GPR107: variants seen among roughly 807,000 people sequenced by gnomAD.
GPR107 encodes protein GPR107.
A neutral mutation model predicts 75.5 loss-of-function variants in GPR107; 31 were observed. The ratio of observed to expected loss-of-function variants is 0.41; its 90% CI spans 0.31 to 0.55. GPR107 has a LOEUF of 0.55. Ranked by LOEUF, GPR107 falls within the 20% of genes least tolerant of loss-of-function variation. The pLI is 0.26. For missense variants in GPR107, 572 were observed against 665.7 expected, an observed-to-expected ratio of 0.86 and a Z score of 1.55; for synonymous variants, 267 against 251.3, an observed-to-expected ratio of 1.06 and a Z score of -0.59.
intron 1 of GPR107, among the ~76,000 whole-genome samples, chr9:130,063,498 C>A (rs1213505241): frequency 5.3e-5 from 8 of 152,112 alleles, no homozygotes; most frequent in Non-Finnish European, 1.0e-4. Flanking sequence ...CTATAACATG[C>A]TTTTTAAATT....
Position 130,104,562 on chromosome 9 carries a change from A to G in GPR107, c.1262+12A>G, listed in dbSNP as rs767523146. On this transcript the variant is annotated intron_variant, in intron 13 of 17. Transcript: ENST00000347136. ...TTCCCAGTGGTGTGGTGAGTAGCTCACAGGGAGGGAGGCCACATGACAGCT... is the reference window on the plus strand; with the variant it reads ...TTCCCAGTGGTGTGGTGAGTAGCTCGCAGGGAGGGAGGCCACATGACAGCT... The G allele has an allele frequency of 6.2e-7, 1 of 1,611,856 alleles. No individual in the cohort carries two copies. Among genetic ancestry groups the G allele is most frequent in the Non-Finnish European group, 8.5e-7 (1 of 1,178,076 alleles).
intron 14 of GPR107, among the ~76,000 whole-genome samples, chr9:130,120,475 C>T (rs1203671102): frequency 6.6e-6 from 1 of 152,196 alleles, no homozygotes; most frequent in Non-Finnish European, 1.5e-5. Flanking sequence ...TCTCAGTCCC[C>T]TCCCCATCCG....
At chr9:130,095,378 A>G (rs1403967294) in intron 9 of GPR107, among the ~76,000 whole-genome samples, 3 of 152,022 alleles carry the variant, frequency 2.0e-5, no homozygotes, top group African/African-American at 4.8e-5. Flanking sequence ...ACTTGTATCA[A>G]ATTGTGGTAA....
chr9:130,082,204 CACTGGGG>C (rs1830508238), intron 5 of GPR107, among the ~76,000 whole-genome samples: 1 of 152,208 alleles, frequency 6.6e-6, no homozygotes, highest in South Asian at 2.1e-4. Context: ...TCACATCCAA[CACTGGGG>C]ACTGCCTTTC....
In GPR107 at chr9:130,137,107, G is replaced by A. The variant is rs1554900078; in HGVS notation, c.*1986G>A. ...CTTCCCTCAGAGGGACACATTTGCTGTTTCTCCCGCAAGCAGATGTTGTGG... is the reference window on the plus strand; with the variant it reads ...CTTCCCTCAGAGGGACACATTTGCTATTTCTCCCGCAAGCAGATGTTGTGG... On this transcript the variant is annotated 3_prime_UTR_variant, in exon 18 of 18. Coordinates refer to ENST00000347136, the MANE Select transcript of GPR107 (RefSeq NM_020960.5). 6.6e-6 allele frequency: 1 copy of A among 152,228 alleles called. No homozygotes were observed. The highest frequency in any genetic ancestry group is 2.4e-5 in the African/African-American group (1 of 41,464). 9.4% of individuals were successfully genotyped at this position (152,228 alleles called of 1,614,324 possible). A position where few individuals can be genotyped will look rare whatever the true frequency, so the allele number is the denominator to read the frequency against.
chr9:130,125,090 C>CGTTT (rs1831640554), intron 15 of GPR107, 126 bp downstream of exon 15: 1 of 149,754 alleles, frequency 6.7e-6, no homozygotes, highest in African/African-American at 4.2e-5. Flanking sequence ...GTGTGGCTTG[C>CGTTT]TTTTTTTTTT....
chr9:130,120,820 T>C (rs2132642135), intron 14 of GPR107: 1 of 152,424 alleles, frequency 6.6e-6, no homozygotes, highest in East Asian at 1.9e-4. Flanking sequence ...GGTTCGAAGG[T>C]GGCTGTGACC....
intron 1 of GPR107, among the ~76,000 whole-genome samples, chr9:130,064,944 T>C (rs1830033558): frequency 6.6e-6 from 1 of 152,152 alleles, no homozygotes; most frequent in Non-Finnish European, 1.5e-5. Flanking sequence ...GTGGCCCTGC[T>C]GACGCCTTGA....
In GPR107 at chr9:130,093,496, C is replaced by T. The variant is rs1343659132; in HGVS notation, c.863+1115C>T. 2.0e-5 allele frequency among the ~76,000 whole-genome samples: 3 copies of T among 152,098 alleles called. No homozygotes were observed. In the South Asian group the frequency reaches 6.2e-4, roughly 32 times the overall value. On this transcript the variant is annotated intron_variant, in intron 9 of 17. Coordinates refer to ENST00000347136, the MANE Select transcript of GPR107 (RefSeq NM_020960.5). ...GGGTGGAAATTGAGACTTTTTAAGT[C>T]CTTGGTAGCTTGATTGTCTTCTAAT...
At chr9:130,134,897 A>C (rs1453623850) in intron 17 of GPR107, 128 bp from the exon 18 acceptor site, 2 of 684,612 alleles carry the variant, frequency 2.9e-6, no homozygotes, top group Admixed American at 2.1e-5. Context: ...ACCAGGAATC[A>C]CACTTAGATT....
Position 130,099,493 on chromosome 9 carries a change from C to T in GPR107, c.900C>T (p.Ala300=). The part of the protein sequence containing the change: ...DVFKIHWLMA[A]LPFTKSLSLV... ...TTAAAATCCACTGGCTGATGGCGGC[C>T]CTTCCTTTCACCAAGTCTCTTTCCT... is the stretch of plus-strand genomic sequence containing the variant. The change falls in exon 10 of 18, where the codon GCC becomes GCT. Residue 300 remains alanine, a synonymous_variant. Transcript: ENST00000347136. The T allele has an allele frequency of 6.2e-7, 1 of 1,603,866 alleles. No individual in the cohort carries two copies. The highest frequency in any genetic ancestry group is 8.5e-7 in the Non-Finnish European group (1 of 1,170,852).
chr9:130,093,517 C>T lies in GPR107; in HGVS notation c.863+1136C>T, dbSNP rs117899309. Among the ~76,000 whole-genome samples, 507 of 152,250 alleles carry T rather than the reference C, an allele frequency of 3.3e-3. 2 individuals carry two copies. Among genetic ancestry groups the T allele is most frequent in the Non-Finnish European group, 5.8e-3 (397 of 68,038 alleles). On this transcript the variant is annotated intron_variant, in intron 9 of 17. Coordinates refer to ENST00000347136, the MANE Select transcript of GPR107 (RefSeq NM_020960.5). Reference sequence around the variant, plus strand: ...AAGTCCTTGGTAGCTTGATTGTCTTCTAATGAACATGCTCGGAGTCTGGTA... The same window carrying T: ...AAGTCCTTGGTAGCTTGATTGTCTTTTAATGAACATGCTCGGAGTCTGGTA...
At chr9:130,121,168 G>A (rs1334150747) in intron 14 of GPR107, among the ~76,000 whole-genome samples, 2 of 147,282 alleles carry the variant, frequency 1.4e-5, no homozygotes, top group Non-Finnish European at 3.0e-5. Context: ...GAGACAGCGA[G>A]TGAGACCCTA....
At chr9:130,075,557 T>C in intron 1 of GPR107, 79 bp from the exon 2 acceptor site, 1 of 801,272 alleles carries the variant, frequency 1.2e-6, no homozygotes, top group Admixed American at 2.0e-5. Context: ...GATATCATAC[T>C]TTTTAAAGCA....
chr9:130,121,946 A>G (rs893751061), intron 14 of GPR107, among the ~76,000 whole-genome samples: 25 of 151,574 alleles, frequency 1.6e-4, no homozygotes, highest in Non-Finnish European at 2.9e-4. Context: ...GCTGGAGTGC[A>G]GTGGCGTGAT....
chr9:130,083,582 A>G lies in GPR107; in HGVS notation c.544A>G (p.Arg182Gly), dbSNP rs2132575770. 1 of 1,530,202 alleles carries G rather than the reference A, an allele frequency of 6.5e-7. No homozygotes were observed. Among genetic ancestry groups the G allele is most frequent in the Non-Finnish European group, 8.7e-7 (1 of 1,148,108 alleles). 94.8% of individuals were successfully genotyped at this position (1,530,202 alleles called of 1,614,324 possible). ...QKTQDGGKSK[R>G]STVDSKAMGE... ...GCTTCTAGATGGTGGAAAGTCTAAA[A>G]GAAGTACAGTGGATTCAAAGGTAAG... The change falls in exon 6 of 18, where the codon AGA becomes GGA. Residue 182 changes from arginine (R) to glycine (G), a missense_variant. Coordinates refer to ENST00000347136, the MANE Select transcript of GPR107 (RefSeq NM_020960.5).
chr9:130,108,540 C>G (rs1831215733), intron 14 of GPR107, among the ~76,000 whole-genome samples: 1 of 152,182 alleles, frequency 6.6e-6, no homozygotes, highest in African/African-American at 2.4e-5. Flanking sequence ...AGGATCTCGC[C>G]AGTTTGGGCC....
intron 13 of GPR107, among the ~76,000 whole-genome samples, chr9:130,106,239 A>G: frequency 6.6e-6 from 1 of 152,154 alleles, no homozygotes. Flanking sequence ...TCCTTAAGGT[A>G]AATATCCTAA....
intron 10 of GPR107, among the ~76,000 whole-genome samples, chr9:130,100,016 TC>T (rs1046065467): frequency 1.8e-4 from 27 of 151,190 alleles, no homozygotes; most frequent in African/African-American, 6.3e-4. Flanking sequence ...TGCCTGAGTC[TC>T]CCGAGTAGCT....
Sources: allele counts gnomAD v4.1 joint callset (sites outside exome capture counted in the v4.1 genomes callset), GRCh38; gene constraint gnomAD v4.1.1; transcripts MANE v1.5; gene names NCBI Gene and HGNC (gene_info 2026-07-23, HGNC 2026-07-21).